Variants in CFTR observed in about 807,000 individuals in gnomAD.
CFTR encodes the protein CF transmembrane conductance regulator.
A neutral mutation model predicts 171.6 loss-of-function variants in CFTR; 181 were observed. That is an observed-to-expected ratio of 1.05 (90% CI 0.93 to 1.19). The LOEUF (loss-of-function observed/expected upper bound fraction) is 1.19. CFTR is among the 50% of genes most tolerant of loss of function. The pLI is 0.00. For missense variants in CFTR, 1,968 were observed against 1,734.7 expected (o/e 1.13, Z -2.39); for synonymous variants, 583 against 608.0 (o/e 0.96, Z 0.60).
chr7:117,564,570 C>T (rs1791568440), intron 11 of CFTR: 1 of 165,926 alleles, frequency 6.0e-6, no homozygotes, highest in South Asian at 2.1e-4. Context: ...TCAATATGTT[C>T]TCTATGAAGC....
chr7:117,517,482 G>A (rs1376738753), intron 3 of CFTR, among the ~76,000 whole-genome samples: 2 of 152,132 alleles, frequency 1.3e-5, no homozygotes. Flanking sequence ...TTGGTTCCAA[G>A]TCTTTGCTAT....
intron 21 of CFTR, among the ~76,000 whole-genome samples, chr7:117,627,096 A>G (rs1351972706): frequency 6.6e-6 from 1 of 152,132 alleles, no homozygotes; most frequent in Non-Finnish European, 1.5e-5. Context: ...GACACATAAA[A>G]TTATAGTTAG....
chr7:117,611,554 A>G, intron 19 of CFTR, 27 bp from the exon 20 acceptor site: 4 of 1,292,468 alleles, frequency 3.1e-6, no homozygotes, highest in Non-Finnish European at 4.5e-6. Context: ...TGTTATTTGC[A>G]ATGTTTTCTA....
intron 24 of CFTR, among the ~76,000 whole-genome samples, chr7:117,655,106 T>C (rs1770832071): frequency 6.6e-6 from 1 of 152,198 alleles, no homozygotes; most frequent in Non-Finnish European, 1.5e-5. Flanking sequence ...ACACCCTTTG[T>C]ATTCTCTCCT....
In CFTR at chr7:117,509,259, T is replaced by G. The variant is rs1311617522; in HGVS notation, c.273+117T>G. On this transcript the variant is annotated intron_variant, in intron 3 of 26. Transcript: ENST00000003084. ...TAAAAATATAAAGGATGAATCCAACTCCAAACACTAAGAAACCACCTAAAA... is the reference window on the plus strand; with the variant it reads ...TAAAAATATAAAGGATGAATCCAACGCCAAACACTAAGAAACCACCTAAAA... The G allele has an allele frequency of 1.3e-5, 9 of 718,464 alleles. No homozygotes were observed. In the Admixed American group the frequency reaches 1.7e-4, roughly 14 times the overall value. 44.5% of individuals were successfully genotyped at this position (718,464 alleles called of 1,614,324 possible).
chr7:117,593,904 C>T (rs1007043589), intron 14 of CFTR, among the ~76,000 whole-genome samples: 3 of 152,106 alleles, frequency 2.0e-5, no homozygotes, highest in South Asian at 2.1e-4. Context: ...TGAGCCACTG[C>T]GCCCAGCCCA....
chr7:117,591,819 A>G, intron 13 of CFTR, 115 bp from the exon 14 acceptor site: 1 of 634,806 alleles, frequency 1.6e-6, no homozygotes, highest in South Asian at 2.8e-5. Flanking sequence ...AAAATATAAT[A>G]AAATTGTATG....
intron 23 of CFTR, among the ~76,000 whole-genome samples, chr7:117,644,710 G>A (rs1280000667): frequency 6.6e-6 from 1 of 152,112 alleles, no homozygotes; most frequent in Non-Finnish European, 1.5e-5. Context: ...GTTTTGTTTT[G>A]TTTTATTAAT....
intron 4 of CFTR, 124 bp downstream of exon 4, chr7:117,531,238 T>C (rs1401618042): frequency 1.4e-6 from 1 of 708,064 alleles, no homozygotes; most frequent in East Asian, 2.7e-5. Context: ...TTAATATGCC[T>C]ATTAAATAAA....
At chr7:117,582,501 T>C (rs890727313) in intron 11 of CFTR, among the ~76,000 whole-genome samples, 2 of 152,072 alleles carry the variant, frequency 1.3e-5, no homozygotes. Context: ...ATCTCCCAAG[T>C]ATGGGGGAAG....
intron 11 of CFTR, among the ~76,000 whole-genome samples, chr7:117,585,366 T>G (rs1321878252): frequency 6.6e-6 from 1 of 152,152 alleles, no homozygotes; most frequent in East Asian, 1.9e-4. Context: ...TAGTCAACTG[T>G]GTTATAATCG....
At chr7:117,510,454 G>A (rs570781033) in intron 3 of CFTR, among the ~76,000 whole-genome samples, 6 of 152,290 alleles carry the variant, frequency 3.9e-5, no homozygotes, top group African/African-American at 1.4e-4. Context: ...ATAAGTGATT[G>A]TTGGATTGAA....
In CFTR at chr7:117,587,732, G is replaced by C. The variant is rs1367201083; in HGVS notation, c.1585-7G>C. 6.4e-7 allele frequency: 1 copy of C among 1,563,644 alleles called. No individual in the cohort carries two copies. The highest frequency in any genetic ancestry group is 8.8e-7 in the Non-Finnish European group (1 of 1,134,352). On this transcript the variant is annotated splice_polypyrimidine_tract_variant and splice_region_variant and intron_variant, in intron 11 of 26. Transcript: ENST00000003084. ...GTGACTCTCTAATTTTCTATTTTTG[G>C]TAATAGGACATCTCCAAGTTTGCAG...
intron 1 of CFTR, among the ~76,000 whole-genome samples, chr7:117,496,636 T>C (rs1168706196): frequency 2.6e-5 from 4 of 152,242 alleles, no homozygotes; most frequent in Non-Finnish European, 2.9e-5. Context: ...CTATGAACAT[T>C]TGTGTACAAG....
intron 10 of CFTR, among the ~76,000 whole-genome samples, chr7:117,554,843 A>T (rs1022126756): frequency 6.6e-6 from 1 of 152,184 alleles, no homozygotes; most frequent in Admixed American, 6.5e-5. Flanking sequence ...TACGGAGATA[A>T]CTCGTGACTT....
At chr7:117,580,950 T>C (rs1051655884) in intron 11 of CFTR, among the ~76,000 whole-genome samples, 20 of 152,174 alleles carry the variant, frequency 1.3e-4, no homozygotes, top group Admixed American at 2.6e-4. Context: ...AGTGGAAATT[T>C]CGAATAAACG....
In CFTR at chr7:117,531,245, T is replaced by C. The variant is rs535616800; in HGVS notation, c.489+131T>C. On this transcript the variant is annotated intron_variant, in intron 4 of 26. Transcript: ENST00000003084. ...AAATTAATTTAATATGCCTATTAAA[T>C]AAATGGCAGGAATAATTAATGCTCT... 3.2e-4 allele frequency: 221 copies of C among 686,658 alleles called. 4 individuals are homozygous for C. The South Asian group carries it at 3.6e-3, about 11-fold the overall frequency. The allele number at this position is 686,658 out of a possible 1,614,324, so 42.5% of individuals were successfully genotyped here. A position where few individuals can be genotyped will look rare whatever the true frequency, so the allele number is the denominator to read the frequency against.
intron 21 of CFTR, among the ~76,000 whole-genome samples, chr7:117,623,385 C>G (rs1253409204): frequency 1.3e-5 from 2 of 152,216 alleles, no homozygotes; most frequent in African/African-American, 4.8e-5. Context: ...CAGGAAGCAG[C>G]AGGCTGGGGT....
At chr7:117,523,629 G>A (rs1408236292) in intron 3 of CFTR, among the ~76,000 whole-genome samples, 2 of 151,992 alleles carry the variant, frequency 1.3e-5, no homozygotes, top group African/African-American at 2.4e-5. Flanking sequence ...CTCCTGCCTC[G>A]GCCTCCCAAA....
Sources: gnomAD v4.1 joint callset for allele counts (sites outside exome capture counted in the v4.1 genomes callset) on GRCh38, gnomAD v4.1.1 for gene constraint, MANE v1.5 for transcripts, NCBI Gene and HGNC (gene_info 2026-07-23, HGNC 2026-07-21) for gene names.